PPM1L: variants seen among roughly 807,000 people sequenced by gnomAD.
PPM1L encodes protein phosphatase, Mg2+/Mn2+ dependent 1L.
In PPM1L, 13 loss-of-function variants were observed where a neutral mutation model predicts 31.4. The ratio of observed to expected loss-of-function variants is 0.41; its 90% CI spans 0.27 to 0.66. The LOEUF is 0.66. Among genes scored for constraint, PPM1L ranks in the 30% least tolerant of loss-of-function variants. The probability of loss-of-function intolerance (pLI) is 0.29; values close to 1 mark genes in which losing one functional copy is unlikely to be tolerated. For synonymous variants in PPM1L, 184 were observed against 175.4 expected (o/e 1.05, Z -0.39); for missense variants, 326 against 453.7 (o/e 0.72, Z 2.56).
intron 2 of PPM1L, among the ~76,000 whole-genome samples, chr3:161,015,557 CCT>C (rs1476298765): frequency 6.6e-6 from 1 of 152,184 alleles, no homozygotes; most frequent in Non-Finnish European, 1.5e-5. Context: ...CCACCTGGGA[CCT>C]GTTTCCAGAC....
At position 160,807,310 on chromosome 3, in the gene PPM1L, G is replaced by A. The variant is rs192696538; in HGVS notation, c.399+50603G>A. Among the ~76,000 whole-genome samples the A allele has an allele frequency of 1.1e-3, 162 of 152,246 alleles. 2 individuals are homozygous for A. Among genetic ancestry groups the A allele is most frequent in the African/African-American group, 2.8e-3 (116 of 41,550 alleles). ...CCATAACAATTCTGCAAGCTATATT[G>A]CTGACAAGTTATTAATCATCAATGT... On this transcript the variant is annotated intron_variant, in intron 1 of 3. Coordinates refer to ENST00000498165, the MANE Select transcript of PPM1L (RefSeq NM_139245.4).
At chr3:160,851,367 T>C (rs1283625709) in intron 1 of PPM1L, among the ~76,000 whole-genome samples, 1 of 152,200 alleles carries the variant, frequency 6.6e-6, no homozygotes, top group Admixed American at 6.5e-5. Flanking sequence ...AGTTGAGGGC[T>C]ATGTCCAAAC....
chr3:161,021,290 G>T (rs1174259676), intron 2 of PPM1L, among the ~76,000 whole-genome samples: 1 of 151,606 alleles, frequency 6.6e-6, no homozygotes, highest in Non-Finnish European at 1.5e-5. Context: ...TTGATACATT[G>T]GTTATTTAGG....
At chr3:160,829,944 C>A (rs1037627767) in intron 1 of PPM1L, among the ~76,000 whole-genome samples, 1 of 152,148 alleles carries the variant, frequency 6.6e-6, no homozygotes, top group Non-Finnish European at 1.5e-5. Flanking sequence ...CCTCAACTTG[C>A]AAAGGTACAG....
intron 1 of PPM1L, among the ~76,000 whole-genome samples, chr3:160,772,825 AGTCTTTT>A (rs1715293220): frequency 6.6e-6 from 1 of 152,094 alleles, no homozygotes; most frequent in East Asian, 1.9e-4. Flanking sequence ...TGCAGTATGT[AGTCTTTT>A]TTTCTGGCCT....
rs918984727 is a variant in PPM1L, at chr3:160,756,928, A to T, written c.399+221A>T. 6.6e-6 allele frequency among the ~76,000 whole-genome samples: 1 copy of T among 151,966 alleles called. No individual in the cohort carries two copies. On this transcript the variant is annotated intron_variant, in intron 1 of 3. Coordinates refer to ENST00000498165, the MANE Select transcript of PPM1L (RefSeq NM_139245.4). This position sits in a 1 kb window ranked among gnomAD's most constrained non-coding sequence, Gnocchi z 6.2. ...GCTGGATCCAGACTTCTTGGTGCTG[A>T]GGGTCCACTTTAGGGAAAGGAGAGT...
chr3:160,901,181 T>C (rs1713530181), intron 1 of PPM1L, among the ~76,000 whole-genome samples: 1 of 152,172 alleles, frequency 6.6e-6, no homozygotes, highest in African/African-American at 2.4e-5. Flanking sequence ...CATCTTTAGC[T>C]CAGACCTCTC....
At chr3:160,937,178 A>G (rs1245825857) in intron 1 of PPM1L, among the ~76,000 whole-genome samples, 1 of 152,232 alleles carries the variant, frequency 6.6e-6, no homozygotes, top group Non-Finnish European at 1.5e-5. Flanking sequence ...GTCTTACACA[A>G]TTAAAAGAAA....
At chr3:160,922,259 G>A (rs1170854259) in intron 1 of PPM1L, among the ~76,000 whole-genome samples, 2 of 151,440 alleles carry the variant, frequency 1.3e-5, no homozygotes, top group Non-Finnish European at 2.9e-5. Context: ...GCAGTGAGCC[G>A]AGATCACACC....
At chr3:160,915,555 G>T (rs1001421343) in intron 1 of PPM1L, among the ~76,000 whole-genome samples, 1 of 152,036 alleles carries the variant, frequency 6.6e-6, no homozygotes, top group Non-Finnish European at 1.5e-5. Context: ...ATTGGAAAAA[G>T]CTACTTTAAA....
chr3:160,973,411 G>A (rs538496908), intron 2 of PPM1L, among the ~76,000 whole-genome samples: 1 of 152,102 alleles, frequency 6.6e-6, no homozygotes, highest in Admixed American at 6.5e-5. Flanking sequence ...CAATGCCATC[G>A]GTATCTCTTC....
chr3:160,900,424 A>G (rs1335656237), intron 1 of PPM1L, among the ~76,000 whole-genome samples: 1 of 152,078 alleles, frequency 6.6e-6, no homozygotes, highest in Non-Finnish European at 1.5e-5. Flanking sequence ...CTTTCCTACT[A>G]GCAGCAGCCT....
intron 1 of PPM1L, among the ~76,000 whole-genome samples, chr3:160,809,643 G>A (rs1712751015): frequency 6.6e-6 from 1 of 152,124 alleles, no homozygotes; most frequent in African/African-American, 2.4e-5. Context: ...TTGGTACCAA[G>A]TATGACATCA....
At chr3:161,032,212 A>C (rs542096545) in intron 2 of PPM1L, among the ~76,000 whole-genome samples, 1 of 152,188 alleles carries the variant, frequency 6.6e-6, no homozygotes, top group African/African-American at 2.4e-5. Context: ...CCTTCATTCT[A>C]TTCTGTTAGG....
chr3:160,848,839 T>G (rs1714163425), intron 1 of PPM1L, among the ~76,000 whole-genome samples: 1 of 152,246 alleles, frequency 6.6e-6, no homozygotes. Flanking sequence ...TTTATGAAAG[T>G]ATACCATCTA....
chr3:160,768,572 T>C (rs1410366035), intron 1 of PPM1L, among the ~76,000 whole-genome samples: 2 of 152,162 alleles, frequency 1.3e-5, no homozygotes, highest in Non-Finnish European at 2.9e-5. Flanking sequence ...AAAGACAGAA[T>C]AGTTTCTAGA....
At chr3:160,962,035 T>A in intron 2 of PPM1L, 125 bp downstream of exon 2, 2 of 597,076 alleles carry the variant, frequency 3.3e-6, no homozygotes, top group Non-Finnish European at 5.3e-6. Context: ...GGACTAATAG[T>A]AAGTTTCTTC....
rs74966582 is a variant in PPM1L at position 161,023,742 on chromosome 3, G to A, written c.575-41661G>A. Reference sequence around the variant, plus strand: ...GAAAGTCTAACATCTGGGCTTACTTGGGGGTAGTTTCTACTATTAGTTTTT... The same window carrying A: ...GAAAGTCTAACATCTGGGCTTACTTAGGGGTAGTTTCTACTATTAGTTTTT... On this transcript the variant is annotated intron_variant, in intron 2 of 3. Transcript: ENST00000498165. 5.0e-3 allele frequency among the ~76,000 whole-genome samples: 755 copies of A among 152,214 alleles called. 8 individuals carry two copies. Among genetic ancestry groups the A allele is most frequent in the African/African-American group, 0.017 (718 of 41,534 alleles).
chr3:160,893,178 T>A (rs1392071161), intron 1 of PPM1L, among the ~76,000 whole-genome samples: 1 of 152,202 alleles, frequency 6.6e-6, no homozygotes, highest in African/African-American at 2.4e-5. Context: ...TTTCCTCTCA[T>A]CATCAAATTG....
Sources: gnomAD v4.1 joint callset for allele counts (sites outside exome capture counted in the v4.1 genomes callset) on GRCh38, gnomAD v4.1.1 for gene constraint, Gnocchi (gnomAD v3.1) non-coding constraint, MANE v1.5 for transcripts, NCBI Gene and HGNC (gene_info 2026-07-23, HGNC 2026-07-21) for gene names.